The following ATXN10 variants were observed in gnomAD, a reference collection of about 807,000 sequenced individuals.
ATXN10 encodes the protein ataxin 10.
A neutral mutation model predicts 52.9 loss-of-function variants in ATXN10; 28 were observed. The ratio of observed to expected loss-of-function variants is 0.53; its 90% confidence interval spans 0.39 to 0.73. The LOEUF (loss-of-function observed/expected upper bound fraction) is 0.73. ATXN10 is among the 30% of genes least tolerant of loss of function. The pLI is 0.00. For synonymous variants in ATXN10, 226 were observed against 221.5 expected (o/e 1.02, Z -0.18); for missense variants, 565 against 577.0 (o/e 0.98, Z 0.21).
At chr22:45,771,564 G>C (rs1353014974) in intron 9 of ATXN10, among the ~76,000 whole-genome samples, 1 of 151,620 alleles carries the variant, frequency 6.6e-6, no homozygotes, top group Admixed American at 6.6e-5. Context: ...TTACAGGCAC[G>C]CACCACCACA....
chr22:45,740,728 A>ATG, intron 9 of ATXN10, 190 bp downstream of exon 9: 1 of 399,480 alleles, frequency 2.5e-6, no homozygotes, highest in African/African-American at 2.9e-5. Flanking sequence ...ACATATATAT[A>ATG]CACACACACA....
In ATXN10 at chr22:45,754,447, A is replaced by G. The variant is rs1926103867; in HGVS notation, c.1173+13909A>G. Among the ~76,000 whole-genome samples, 1 of 152,078 alleles carries G rather than the reference A, an allele frequency of 6.6e-6. No individual in the cohort carries two copies. The highest frequency in any genetic ancestry group is 1.5e-5 in the Non-Finnish European group (1 of 68,028). On this transcript the variant is annotated intron_variant, in intron 9 of 11. Transcript: ENST00000252934. The surrounding 1 kb of genome is among the most constrained non-coding windows in gnomAD (Gnocchi z 5.4). The stretch of plus-strand genomic sequence containing the variant: ...TGCCTCCTGCATGTGCTTGAGTGGG[A>G]TGTTTCAGAGGTGTGTTTTGTTTTA...
At position 45,684,808 on chromosome 22, in the gene ATXN10, C is replaced by G. The variant is rs982512868; in HGVS notation, c.117-4904C>G. 6.6e-6 allele frequency among the ~76,000 whole-genome samples: 1 copy of G among 152,200 alleles called. No homozygotes were observed. The highest frequency in any genetic ancestry group is 2.4e-5 in the African/African-American group (1 of 41,436). On this transcript the variant is annotated intron_variant, in intron 1 of 11. Transcript: ENST00000252934. This position sits in a 1 kb window ranked among gnomAD's most constrained non-coding sequence, Gnocchi z 4.1. ...GAAGTTTTGAGTTCTGCGCAGATTT[C>G]AAAATTTTACCCTAGGCTGTTTGTG...
At chr22:45,788,250 T>C (rs1387664115) in intron 9 of ATXN10, among the ~76,000 whole-genome samples, 8 of 152,082 alleles carry the variant, frequency 5.3e-5, no homozygotes, top group Admixed American at 5.2e-4. Flanking sequence ...TTTACTTAGG[T>C]GTCTCGTCTC....
intron 5 of ATXN10, among the ~76,000 whole-genome samples, chr22:45,709,250 C>A (rs535118501): frequency 2.0e-5 from 3 of 152,182 alleles, no homozygotes; most frequent in Admixed American, 6.5e-5. Context: ...AGACTGTGAG[C>A]TCCCTGTAAG....
chr22:45,810,208 G>C (rs149664107), intron 10 of ATXN10, among the ~76,000 whole-genome samples: 94 of 152,274 alleles, frequency 6.2e-4, no homozygotes, highest in Non-Finnish European at 1.0e-3. Context: ...ACCTTTATCA[G>C]AAGAATTGAT....
chr22:45,751,763 A>AAAAAAAAAAAAAATAATAATAAT, intron 9 of ATXN10, among the ~76,000 whole-genome samples: 2 of 66,628 alleles, frequency 3.0e-5, no homozygotes, highest in Non-Finnish European at 5.9e-5. Context: ...AATAAAAAAA[A>AAAAAAAAAAAAAATAATAATAAT]AATAATAATA....
At chr22:45,710,648 C>T (rs146806819) in intron 5 of ATXN10, among the ~76,000 whole-genome samples, 209 of 152,244 alleles carry the variant, frequency 1.4e-3, no homozygotes, top group Non-Finnish European at 2.4e-3. Flanking sequence ...GGTCTGAATC[C>T]GGCCCACTGC....
At position 45,740,374 on chromosome 22, in the gene ATXN10, T is replaced by C. The variant is rs1257503593; in HGVS notation, c.1009T>C (p.Leu337=). The C allele has an allele frequency of 2.5e-6, 4 of 1,613,738 alleles. No individual in the cohort carries two copies. In the East Asian group the frequency reaches 6.7e-5, roughly 27 times the overall value. ...GTTTACTCTTTTGGTTATAGATCTTTTGCGGGTGATTCATGTAGCTGGAAA... is the reference window on the plus strand; with the variant it reads ...GTTTACTCTTTTGGTTATAGATCTTCTGCGGGTGATTCATGTAGCTGGAAA... The part of the protein sequence containing the change: ...PGLLERVIDL[L]RVIHVAGKET... The change falls in exon 9 of 12, where the codon TTG becomes CTG. Residue 337 remains leucine (L), a synonymous_variant. Transcript: ENST00000252934.
At chr22:45,752,460 A>G (rs1424004210) in intron 9 of ATXN10, among the ~76,000 whole-genome samples, 1 of 150,180 alleles carries the variant, frequency 6.7e-6, no homozygotes, top group Admixed American at 6.7e-5. Flanking sequence ...AGAGTTAGGC[A>G]GTTAGAGGAG....
Position 45,715,980 on chromosome 22 carries a change from C to T in ATXN10, c.648-2433C>T, listed in dbSNP as rs567867482. 2.0e-5 allele frequency among the ~76,000 whole-genome samples: 3 copies of T among 152,120 alleles called. No homozygotes were observed. Among genetic ancestry groups the T allele is most frequent in the Admixed American group, 6.6e-5 (1 of 15,260 alleles). ...GTTTTGTGGGATAAAGCAAAAGCAG[C>T]CAAGTGTGGTGGCTCATGCCTGTAA... On this transcript the variant is annotated intron_variant, in intron 5 of 11. Transcript: ENST00000252934. The surrounding 1 kb of genome is among the most constrained non-coding windows in gnomAD (Gnocchi z 4.4).
intron 9 of ATXN10, among the ~76,000 whole-genome samples, chr22:45,777,079 A>G (rs536048272): frequency 6.6e-6 from 1 of 152,318 alleles, no homozygotes; most frequent in Admixed American, 6.5e-5. Context: ...CTACTTTTAT[A>G]TTTCGAAAAA....
chr22:45,721,908 C>G (rs965013212), intron 6 of ATXN10, among the ~76,000 whole-genome samples: 2 of 151,734 alleles, frequency 1.3e-5, no homozygotes. Context: ...GAGCGAGACT[C>G]TGTCACATGA....
In ATXN10 at chr22:45,733,273, T is replaced by A. The variant is rs1217228023; in HGVS notation, c.894+3683T>A. Among the ~76,000 whole-genome samples the A allele has an allele frequency of 2.0e-5, 3 of 152,238 alleles. No individual in the cohort carries two copies. The highest frequency in any genetic ancestry group is 3.8e-4 in the East Asian group (2 of 5,204). Reference sequence around the variant, plus strand: ...AGGTTAGGCCATACTGTAGTACCTGTTATGCAGTAGGTATTACATATTTAA... The same window carrying A: ...AGGTTAGGCCATACTGTAGTACCTGATATGCAGTAGGTATTACATATTTAA... On this transcript the variant is annotated intron_variant, in intron 7 of 11. Transcript: ENST00000252934. This position sits in a 1 kb window ranked among gnomAD's most constrained non-coding sequence, Gnocchi z 4.4.
chr22:45,711,976 G>A (rs537374908), intron 5 of ATXN10, among the ~76,000 whole-genome samples: 1 of 152,304 alleles, frequency 6.6e-6, no homozygotes, highest in African/African-American at 2.4e-5. Context: ...TTTGTGAAAT[G>A]TTGTATGGAA....
rs1923987188 is a variant in ATXN10 at position 45,705,050 on chromosome 22, T to C, written c.647+2203T>C. Among the ~76,000 whole-genome samples, 1 of 152,226 alleles carries C rather than the reference T, an allele frequency of 6.6e-6. No homozygotes were observed. Among genetic ancestry groups the C allele is most frequent in the Non-Finnish European group, 1.5e-5 (1 of 68,036 alleles). On this transcript the variant is annotated intron_variant, in intron 5 of 11. Coordinates refer to ENST00000252934, the MANE Select transcript of ATXN10 (RefSeq NM_013236.4). This position sits in a 1 kb window ranked among gnomAD's most constrained non-coding sequence, Gnocchi z 5.2. ...CATATGGCTTTGTCTTTTAGTCTATTAATACTTTGTCTAACAGTGATTTTT... is the reference window on the plus strand; with the variant it reads ...CATATGGCTTTGTCTTTTAGTCTATCAATACTTTGTCTAACAGTGATTTTT...
rs1042562008 is a variant in ATXN10 at position 45,712,479 on chromosome 22, G to A, written c.648-5934G>A. Among the ~76,000 whole-genome samples the A allele has an allele frequency of 2.6e-5, 4 of 152,174 alleles. No individual in the cohort carries two copies. The highest frequency in any genetic ancestry group is 9.7e-5 in the African/African-American group (4 of 41,446). On this transcript the variant is annotated intron_variant, in intron 5 of 11. Transcript: ENST00000252934. This position sits in a 1 kb window ranked among gnomAD's most constrained non-coding sequence, Gnocchi z 4.6. ...GAAGCAGAATACCTTGATACTGAAG[G>A]GTAGACAGCGTAGCCAGTGTCACAC... is the stretch of plus-strand genomic sequence containing the variant.
Position 45,819,674 on chromosome 22 carries a change from T to C in ATXN10, c.1237+12652T>C, listed in dbSNP as rs1928585504. Among the ~76,000 whole-genome samples, 1 of 152,172 alleles carries C rather than the reference T, an allele frequency of 6.6e-6. No individual in the cohort carries two copies. Among genetic ancestry groups the C allele is most frequent in the Non-Finnish European group, 1.5e-5 (1 of 68,022 alleles). ...CCTGTGCATGAAGTGCTGAGATGAG[T>C]TCTTGGCCTGTGGTCTGTGCTTGTA... On this transcript the variant is annotated intron_variant, in intron 10 of 11. Transcript: ENST00000252934. This position sits in a 1 kb window ranked among gnomAD's most constrained non-coding sequence, Gnocchi z 4.5.
chr22:45,692,720 G>A (rs112819940), intron 2 of ATXN10, among the ~76,000 whole-genome samples: 8 of 152,164 alleles, frequency 5.3e-5, no homozygotes. Flanking sequence ...AAGAATGCAT[G>A]GAATGGGGTA....
Sources: allele counts gnomAD v4.1 joint callset (sites outside exome capture counted in the v4.1 genomes callset), GRCh38; gene constraint gnomAD v4.1.1; non-coding constraint Gnocchi (gnomAD v3.1); transcripts MANE v1.5; gene names NCBI Gene and HGNC (gene_info 2026-07-23, HGNC 2026-07-21).